The following ADAMTS9 variants were observed in gnomAD, a reference collection of about 807,000 sequenced individuals.
The protein encoded by ADAMTS9 is A disintegrin and metalloproteinase with thrombospondin motifs 9.
Under a neutral mutation model 257.1 loss-of-function variants are expected in ADAMTS9, and 107 were observed. The ratio of observed to expected loss-of-function variants is 0.42; its 90% CI spans 0.36 to 0.49. The LOEUF (loss-of-function observed/expected upper bound fraction) is 0.49, where lower values mean the gene tolerates loss of function less well. ADAMTS9 is among the 20% of genes least tolerant of loss of function. The pLI is 0.03. For missense variants in ADAMTS9, 2,353 were observed against 2,469.1 expected (o/e 0.95, Z 1.00); for synonymous variants, 982 against 880.9 (o/e 1.11, Z -2.03).
intron 12 of ADAMTS9, among the ~76,000 whole-genome samples, chr3:64,641,402 G>T (rs1700636206): frequency 6.6e-6 from 1 of 151,174 alleles, no homozygotes; most frequent in East Asian, 2.0e-4. Flanking sequence ...CATGTGCCAT[G>T]CTGGTGTGCT....
At chr3:64,523,720 C>T in intron 38 of ADAMTS9, among the ~76,000 whole-genome samples, 1 of 152,020 alleles carries the variant, frequency 6.6e-6, no homozygotes, top group Non-Finnish European at 1.5e-5. Flanking sequence ...TATTTTCTAC[C>T]ACGGACTTAC....
chr3:64,590,643 A>C (rs936435324), intron 28 of ADAMTS9, among the ~76,000 whole-genome samples: 2 of 152,124 alleles, frequency 1.3e-5, no homozygotes, highest in African/African-American at 4.8e-5. Context: ...TTCTCTTCCT[A>C]CCTACAGAAG....
chr3:64,611,634 C>T (rs562878294), intron 22 of ADAMTS9, among the ~76,000 whole-genome samples: 1 of 152,248 alleles, frequency 6.6e-6, no homozygotes, highest in South Asian at 2.1e-4. Context: ...ATTAGATTCT[C>T]ATAAGGAGTT....
chr3:64,628,222 A>G (rs1320161939), intron 16 of ADAMTS9, among the ~76,000 whole-genome samples: 1 of 152,184 alleles, frequency 6.6e-6, no homozygotes, highest in African/African-American at 2.4e-5. Context: ...CTTTACAAGG[A>G]GATTAAGAAA....
At chr3:64,603,771 T>A (rs750417584) in intron 25 of ADAMTS9, 151 bp downstream of exon 25, 1 of 926,524 alleles carries the variant, frequency 1.1e-6, no homozygotes, top group Middle Eastern at 3.5e-4. Context: ...CAACTACACA[T>A]AAGTGGAGCA....
chr3:64,661,989 C>T (rs1319023347), intron 3 of ADAMTS9, among the ~76,000 whole-genome samples: 2 of 151,622 alleles, frequency 1.3e-5, no homozygotes, highest in Non-Finnish European at 2.9e-5. Context: ...TCTTTTCTTT[C>T]CGTTGCCTTA....
chr3:64,557,003 A>G (rs2083346400), intron 30 of ADAMTS9, among the ~76,000 whole-genome samples: 1 of 152,186 alleles, frequency 6.6e-6, no homozygotes, highest in African/African-American at 2.4e-5. Context: ...AAAACAGGCA[A>G]TGAGAATTCC....
chr3:64,610,140 A>G (rs4356814), intron 22 of ADAMTS9, among the ~76,000 whole-genome samples: 71,280 of 152,026 alleles, frequency 0.47, 17,017 homozygotes, highest in African/African-American at 0.55. Flanking sequence ...TGGCCCAAAC[A>G]TAAGAGCTAA....
chr3:64,658,688 T>C lies in ADAMTS9; in HGVS notation c.783A>G (p.Leu261=), dbSNP rs772960675. 12 of 1,614,048 alleles carry C rather than the reference T, an allele frequency of 7.4e-6. No individual in the cohort carries two copies. Among genetic ancestry groups the C allele is most frequent in the Non-Finnish European group, 1.0e-5 (12 of 1,180,026 alleles). ...AGDVAALNSG[L]ATEAFSAYGN... ...CATAAGCAGAAAATGCCTCTGTTGC[T>C]AAGCCGCTGTTTAATGCTGCTACGT... The change falls in exon 4 of 40, where the codon TTA becomes TTG. Residue 261 remains leucine, a synonymous_variant. Coordinates refer to ENST00000498707, the MANE Select transcript of ADAMTS9 (RefSeq NM_182920.2).
At chr3:64,646,738 A>G (rs9868005) in intron 11 of ADAMTS9, among the ~76,000 whole-genome samples, 1 of 151,888 alleles carries the variant, frequency 6.6e-6, no homozygotes, top group South Asian at 2.1e-4. Context: ...CACTGAAAAA[A>G]CCACTAGTCT....
At position 64,601,934 on chromosome 3, in the gene ADAMTS9, G is replaced by A. The variant is rs2084469311; in HGVS notation, c.4017+10C>T. ...GAAAGAGAAGCAAGCAAACTTCAGG[G>A]AATACTCACTGCTCCCCAGGGGCCA... On this transcript the variant is annotated intron_variant, in intron 26 of 39. Transcript: ENST00000498707. 1 of 1,586,028 alleles carries A rather than the reference G, an allele frequency of 6.3e-7. No individual in the cohort carries two copies. Among genetic ancestry groups the A allele is most frequent in the Non-Finnish European group, 8.6e-7 (1 of 1,165,404 alleles).
intron 30 of ADAMTS9, among the ~76,000 whole-genome samples, chr3:64,554,969 A>G (rs535225288): frequency 2.6e-5 from 4 of 152,326 alleles, no homozygotes; most frequent in African/African-American, 7.2e-5. Flanking sequence ...GTTGCTTTAC[A>G]CTTTCAAATA....
intron 19 of ADAMTS9, among the ~76,000 whole-genome samples, chr3:64,619,339 G>A (rs1273933285): frequency 6.6e-6 from 1 of 152,110 alleles, no homozygotes; most frequent in Non-Finnish European, 1.5e-5. Flanking sequence ...TTTCACAAAG[G>A]AAGAGAAGCT....
intron 37 of ADAMTS9, among the ~76,000 whole-genome samples, chr3:64,534,877 C>T (rs1643400758): frequency 6.6e-6 from 1 of 152,038 alleles, no homozygotes; most frequent in African/African-American, 2.4e-5. Flanking sequence ...TTCTCCAGCC[C>T]GAAAAGTGCT....
chr3:64,655,662 C>T lies in ADAMTS9; in HGVS notation c.1083G>A (p.Gln361=). The T allele has an allele frequency of 6.2e-7, 1 of 1,613,914 alleles. No homozygotes were observed. The highest frequency in any genetic ancestry group is 8.5e-7 in the Non-Finnish European group (1 of 1,179,932). ...QDGPSISFNA[Q]TTLKNFCQWQ... is the part of the protein sequence containing the mutation. Reference sequence around the variant, plus strand: ...ACTGGCAAAAGTTTTTTAATGTTGTCTGAGCATTAAAAGATATGGAAGGCC... The same window carrying T: ...ACTGGCAAAAGTTTTTTAATGTTGTTTGAGCATTAAAAGATATGGAAGGCC... The change falls in exon 6 of 40, where the codon CAG becomes CAA. Residue 361 remains glutamine (Q), a synonymous_variant. Transcript: ENST00000498707.
intron 3 of ADAMTS9, among the ~76,000 whole-genome samples, chr3:64,673,164 C>A (rs2107021482): frequency 6.6e-6 from 1 of 151,618 alleles, no homozygotes; most frequent in East Asian, 1.9e-4. Context: ...GCATGGGTCA[C>A]ACACACCCTA....
intron 19 of ADAMTS9, among the ~76,000 whole-genome samples, chr3:64,620,825 A>G (rs1440617396): frequency 1.3e-5 from 2 of 152,148 alleles, no homozygotes; most frequent in African/African-American, 4.8e-5. Context: ...ATGTGACTCA[A>G]TCATAATGCT....
At chr3:64,566,160 T>C (rs997149348) in intron 29 of ADAMTS9, among the ~76,000 whole-genome samples, 2 of 152,188 alleles carry the variant, frequency 1.3e-5, no homozygotes, top group Non-Finnish European at 2.9e-5. Flanking sequence ...TGGACAATCA[T>C]TACTCTTGCT....
intron 22 of ADAMTS9, among the ~76,000 whole-genome samples, chr3:64,609,957 A>G (rs1244411679): frequency 6.6e-6 from 1 of 152,218 alleles, no homozygotes; most frequent in African/African-American, 2.4e-5. Flanking sequence ...TCCAGAAATA[A>G]ACCCATATAT....
Sources: gnomAD v4.1 joint callset for allele counts (sites outside exome capture counted in the v4.1 genomes callset) on GRCh38, gnomAD v4.1.1 for gene constraint, MANE v1.5 for transcripts, NCBI Gene and HGNC (gene_info 2026-07-23, HGNC 2026-07-21) for gene names.